The following NEMP2 variants were observed in gnomAD, a reference collection of about 807,000 sequenced individuals.
NEMP2 encodes nuclear envelope integral membrane protein 2, also known as UPF0571 transmembrane protein.
In NEMP2, 53 loss-of-function variants were observed where a neutral mutation model predicts 54.2. That is an observed-to-expected ratio of 0.98 (90% CI 0.78 to 1.23). The LOEUF (loss-of-function observed/expected upper bound fraction) is 1.23, where lower values mean the gene tolerates loss of function less well. Ranked by LOEUF, NEMP2 falls within the 50% of genes most tolerant of loss-of-function variation. The probability of loss-of-function intolerance (pLI) is 0.00; values close to 1 mark genes in which losing one functional copy is unlikely to be tolerated. For missense variants in NEMP2, 455 were observed against 511.3 expected (o/e 0.89, Z 1.06); for synonymous variants, 197 against 190.3 (o/e 1.04, Z -0.29).
At position 190,510,302 on chromosome 2, in the gene NEMP2, T is replaced by A; in HGVS notation, c.1130+59A>T. 6.5e-7 allele frequency: 1 copy of A among 1,534,034 alleles called. No individual in the cohort carries two copies. The highest frequency in any genetic ancestry group is 8.8e-7 in the Non-Finnish European group (1 of 1,133,222). On this transcript the variant is annotated intron_variant, in intron 8 of 8. Transcript: ENST00000409150. The surrounding 1 kb of genome is among the most constrained non-coding windows in gnomAD (Gnocchi z 5.7). ...CTGAAGTGCCTGTACCAAACCATCATATTATTTTTTAAATCATTCTGAACT... is the reference window on the plus strand; with the variant it reads ...CTGAAGTGCCTGTACCAAACCATCAAATTATTTTTTAAATCATTCTGAACT...
At chr2:190,570,526 G>A in the NEMP2 span, among the ~76,000 whole-genome samples, 1 of 152,186 alleles carries the variant, frequency 6.6e-6, no homozygotes, top group Non-Finnish European at 1.5e-5. This position sits in a 1 kb window ranked among gnomAD's most constrained non-coding sequence, Gnocchi z 5.4. Flanking sequence ...CTTCTTAGCA[G>A]GAAGCTAAGC....
At chr2:190,639,777 G>A in the NEMP2 span, among the ~76,000 whole-genome samples, 1 of 151,898 alleles carries the variant, frequency 6.6e-6, no homozygotes, top group Non-Finnish European at 1.5e-5. Context: ...GCCTCCTGAG[G>A]AGCTGGGACT....
At chr2:190,488,423 T>G in the NEMP2 span, among the ~76,000 whole-genome samples, 2 of 152,180 alleles carry the variant, frequency 1.3e-5, no homozygotes, top group African/African-American at 2.4e-5. This position sits in a 1 kb window ranked among gnomAD's most constrained non-coding sequence, Gnocchi z 6.4. Context: ...GAATTTTTGT[T>G]GTGGTGGTGA....
the NEMP2 span, among the ~76,000 whole-genome samples, chr2:190,467,894 A>C: frequency 3.3e-5 from 5 of 152,226 alleles, no homozygotes; most frequent in Non-Finnish European, 7.3e-5. This position sits in a 1 kb window ranked among gnomAD's most constrained non-coding sequence, Gnocchi z 5.5. Context: ...ATGCTACAGC[A>C]GCAGAGCTGA....
At chr2:190,598,849 A>T in the NEMP2 span, among the ~76,000 whole-genome samples, 2 of 152,202 alleles carry the variant, frequency 1.3e-5, no homozygotes, top group Non-Finnish European at 2.9e-5. Flanking sequence ...TTGAGTGACT[A>T]ACGTTAATAT....
At chr2:190,450,373 CA>C in the NEMP2 span, among the ~76,000 whole-genome samples, 2 of 152,022 alleles carry the variant, frequency 1.3e-5, no homozygotes, top group Non-Finnish European at 2.9e-5. Flanking sequence ...GTAACAATTC[CA>C]TTCTTATTTC....
chr2:190,539,063 T>C (rs1037620903), upstream of NEMP2, among the ~76,000 whole-genome samples: 2 of 152,190 alleles, frequency 1.3e-5, no homozygotes, highest in Non-Finnish European at 2.9e-5. This position sits in a 1 kb window ranked among gnomAD's most constrained non-coding sequence, Gnocchi z 4.1. Context: ...CGTTTTCTTC[T>C]AGTAGTTTCA....
At position 190,533,233 on chromosome 2, in the gene NEMP2, G is replaced by A. The variant is rs1388270775; in HGVS notation, c.97+1326C>T. On this transcript the variant is annotated intron_variant, in intron 1 of 8. Transcript: ENST00000409150. The surrounding 1 kb of genome is among the most constrained non-coding windows in gnomAD (Gnocchi z 4.3). Reference sequence around the variant, plus strand: ...GAATGAGTGGTCTAGAACCCAAGGTGCTGGGTGCTGGTCTAAGGCTACTTC... The same window carrying A: ...GAATGAGTGGTCTAGAACCCAAGGTACTGGGTGCTGGTCTAAGGCTACTTC... 6.6e-6 allele frequency among the ~76,000 whole-genome samples: 1 copy of A among 152,212 alleles called. No homozygotes were observed. Among genetic ancestry groups the A allele is most frequent in the Non-Finnish European group, 1.5e-5 (1 of 68,038 alleles).
the NEMP2 span, among the ~76,000 whole-genome samples, chr2:190,464,198 A>G: frequency 1.3e-5 from 2 of 152,240 alleles, no homozygotes; most frequent in East Asian, 3.8e-4. Context: ...GTGTCAGTCT[A>G]ACGGCAAATA....
At chr2:190,423,023 A>G in the NEMP2 span, among the ~76,000 whole-genome samples, 1 of 152,146 alleles carries the variant, frequency 6.6e-6, no homozygotes, top group East Asian at 1.9e-4. The surrounding 1 kb of genome is among the most constrained non-coding windows in gnomAD (Gnocchi z 4.3). Context: ...CCTTCTAGTC[A>G]CTATCTCCCT....
chr2:190,568,192 C>G, the NEMP2 span: 3 of 152,284 alleles, frequency 2.0e-5, no homozygotes, highest in East Asian at 5.8e-4. The surrounding 1 kb of genome is among the most constrained non-coding windows in gnomAD (Gnocchi z 4.7). Flanking sequence ...TCTACATGAT[C>G]TTTGTGAAGG....
At chr2:190,610,694 G>C in the NEMP2 span, 1 of 152,330 alleles carries the variant, frequency 6.6e-6, no homozygotes, top group Non-Finnish European at 1.5e-5. This position sits in a 1 kb window ranked among gnomAD's most constrained non-coding sequence, Gnocchi z 5.4. Context: ...CTCGCAAATA[G>C]TTTCCAAATT....
the NEMP2 span, among the ~76,000 whole-genome samples, chr2:190,474,251 C>T: frequency 6.6e-6 from 1 of 151,500 alleles, no homozygotes. Flanking sequence ...CACAAAAAAC[C>T]CTTCAAAAAA....
the NEMP2 span, chr2:190,477,401 G>T: frequency 1.0e-6 from 1 of 953,950 alleles, no homozygotes; most frequent in Non-Finnish European, 1.2e-6. Context: ...GAAAAGAAAT[G>T]ACTATATATT....
At chr2:190,541,728 C>T in the NEMP2 span, among the ~76,000 whole-genome samples, 7 of 152,138 alleles carry the variant, frequency 4.6e-5, no homozygotes, top group Admixed American at 6.5e-5. This position sits in a 1 kb window ranked among gnomAD's most constrained non-coding sequence, Gnocchi z 5.2. Context: ...GTGTTTTTAC[C>T]TCTCAGATTG....
chr2:190,530,198 T>C lies in NEMP2; in HGVS notation c.97+4361A>G, dbSNP rs1046202332. 6.6e-6 allele frequency among the ~76,000 whole-genome samples: 1 copy of C among 152,210 alleles called. No individual in the cohort carries two copies. The highest frequency in any genetic ancestry group is 2.4e-5 in the African/African-American group (1 of 41,452). On this transcript the variant is annotated intron_variant, in intron 1 of 8. Transcript: ENST00000409150. This position sits in a 1 kb window ranked among gnomAD's most constrained non-coding sequence, Gnocchi z 4.6. ...AGAAGGAAGGAGGTTGTCCTGACTG[T>C]TCATGCCTATAGACACGCTAGTAAA...
At chr2:190,547,387 AAAT>A in the NEMP2 span, among the ~76,000 whole-genome samples, 1 of 151,762 alleles carries the variant, frequency 6.6e-6, no homozygotes, top group African/African-American at 2.4e-5. This position sits in a 1 kb window ranked among gnomAD's most constrained non-coding sequence, Gnocchi z 6.2. Context: ...TTCTATTTTG[AAAT>A]ATACACACTG....
chr2:190,604,280 G>A, the NEMP2 span, among the ~76,000 whole-genome samples: 4 of 152,278 alleles, frequency 2.6e-5, no homozygotes, highest in Admixed American at 2.0e-4. The surrounding 1 kb of genome is among the most constrained non-coding windows in gnomAD (Gnocchi z 4.5). Context: ...GGGATCAAAT[G>A]GAAAAGGTGG....
the NEMP2 span, among the ~76,000 whole-genome samples, chr2:190,546,027 A>G: frequency 2.0e-5 from 3 of 152,234 alleles, no homozygotes; most frequent in Non-Finnish European, 4.4e-5. The surrounding 1 kb of genome is among the most constrained non-coding windows in gnomAD (Gnocchi z 5.1). Context: ...TTATTTTACA[A>G]AGAAAATTGA....
Sources: gnomAD v4.1 joint callset for allele counts (sites outside exome capture counted in the v4.1 genomes callset) on GRCh38, gnomAD v4.1.1 for gene constraint, Gnocchi (gnomAD v3.1) non-coding constraint, MANE v1.5 for transcripts, NCBI Gene and HGNC (gene_info 2026-07-23, HGNC 2026-07-21) for gene names.